Variants in MDM1 observed in about 807,000 individuals in gnomAD.
The protein encoded by MDM1 is stabilizer of axonemal microtubules 6.
Under a neutral mutation model 89.1 loss-of-function variants are expected in MDM1, and 61 were observed. The ratio of observed to expected loss-of-function variants is 0.68; its 90% CI spans 0.56 to 0.85. The LOEUF (loss-of-function observed/expected upper bound fraction) is 0.85. Ranked by LOEUF, MDM1 falls within the 40% of genes least tolerant of loss-of-function variation. The probability of loss-of-function intolerance (pLI) is 0.00; values close to 1 mark genes in which losing one functional copy is unlikely to be tolerated. For synonymous variants in MDM1, 290 were observed against 294.1 expected, an observed-to-expected ratio of 0.99 and a Z score of 0.14; for missense variants, 820 against 846.5, an observed-to-expected ratio of 0.97 and a Z score of 0.39.
intron 7 of MDM1, among the ~76,000 whole-genome samples, chr12:68,317,063 A>G (rs1874596174): frequency 6.6e-6 from 1 of 152,088 alleles, no homozygotes; most frequent in South Asian, 2.1e-4. Context: ...AGTACTAAAT[A>G]TATAATTTAA....
At chr12:68,322,403 T>C (rs946917788) in intron 5 of MDM1, among the ~76,000 whole-genome samples, 2 of 152,136 alleles carry the variant, frequency 1.3e-5, no homozygotes, top group African/African-American at 2.4e-5. Context: ...GAGGCCAAGG[T>C]AGGCGGATCA....
intron 4 of MDM1, among the ~76,000 whole-genome samples, chr12:68,323,790 A>G (rs1411446746): frequency 2.0e-5 from 3 of 152,312 alleles, no homozygotes; most frequent in South Asian, 2.1e-4. Flanking sequence ...ATTACAAGGA[A>G]AGCAAATGGA....
chr12:68,326,785 C>A lies in MDM1; in HGVS notation c.370G>T (p.Ala124Ser). ...RVPKRTRSHSADSRAEGASDV... is the reference protein window; with the variant it reads ...RVPKRTRSHSSDSRAEGASDV... ...GAAGCCCCTTCAGCTCTGGAGTCTGCAGAGTGAGATCTGGTTCTTTTGGGA... is the reference window on the plus strand; with the variant it reads ...GAAGCCCCTTCAGCTCTGGAGTCTGAAGAGTGAGATCTGGTTCTTTTGGGA... The change falls in exon 3 of 15, where the codon GCA (alanine) becomes TCA (serine). Residue 124 changes from alanine to serine, a missense_variant. Ala to Ser is a moderately conservative substitution (Grantham distance 99). Coordinates refer to ENST00000682720, the MANE Select transcript of MDM1 (RefSeq NM_001354969.2). 2 of 1,614,032 alleles carry A rather than the reference C, an allele frequency of 1.2e-6. No individual in the cohort carries two copies. Among genetic ancestry groups the A allele is most frequent in the Non-Finnish European group, 8.5e-7 (1 of 1,179,954 alleles).
chr12:68,296,714 G>T (rs1181118153), intron 14 of MDM1, among the ~76,000 whole-genome samples: 1 of 152,126 alleles, frequency 6.6e-6, no homozygotes, highest in African/African-American at 2.4e-5. Flanking sequence ...CTTATTGTAT[G>T]TTTGCCCTAG....
chr12:68,324,052 C>T (rs910379989), intron 4 of MDM1, among the ~76,000 whole-genome samples: 3 of 152,112 alleles, frequency 2.0e-5, no homozygotes, highest in African/African-American at 7.2e-5. Flanking sequence ...TGTCTCAAAG[C>T]TCTTCAATCC....
intron 12 of MDM1, among the ~76,000 whole-genome samples, chr12:68,307,943 A>C (rs1274882582): frequency 6.6e-5 from 10 of 151,316 alleles, no homozygotes; most frequent in Middle Eastern, 3.2e-3. Context: ...GTCTCAAAAA[A>C]AAAAAAAAGT....
Position 68,296,909 on chromosome 12 carries a change from G to T in MDM1, c.2062+14C>A. The T allele has an allele frequency of 6.4e-7, 1 of 1,567,390 alleles. No individual in the cohort carries two copies. Among genetic ancestry groups the T allele is most frequent in the East Asian group, 2.3e-5 (1 of 43,262 alleles). ...TAGAACTCAAACTTTTATGTTATGTGACTACTGAAATACCTTCATCATTAA... is the reference window on the plus strand; with the variant it reads ...TAGAACTCAAACTTTTATGTTATGTTACTACTGAAATACCTTCATCATTAA... On this transcript the variant is annotated intron_variant, in intron 14 of 14. Coordinates refer to ENST00000682720, the MANE Select transcript of MDM1 (RefSeq NM_001354969.2).
chr12:68,323,971 A>G (rs1264832947), intron 4 of MDM1, among the ~76,000 whole-genome samples: 1 of 152,204 alleles, frequency 6.6e-6, no homozygotes, highest in East Asian at 1.9e-4. Flanking sequence ...ACATCCTTTC[A>G]GAAAGCAGGT....
At chr12:68,309,917 T>A (rs1222535715) in intron 12 of MDM1, among the ~76,000 whole-genome samples, 1 of 152,226 alleles carries the variant, frequency 6.6e-6, no homozygotes, top group Non-Finnish European at 1.5e-5. Flanking sequence ...AAAATTCACA[T>A]GGAAGGATAT....
At position 68,315,207 on chromosome 12, in the gene MDM1, C is replaced by T. The variant is rs1392476356; in HGVS notation, c.1270G>A (p.Gly424Arg). 1 of 1,614,086 alleles carries T rather than the reference C, an allele frequency of 6.2e-7. No individual in the cohort carries two copies. Among genetic ancestry groups the T allele is most frequent in the Non-Finnish European group, 8.5e-7 (1 of 1,180,042 alleles). The change falls in exon 10 of 15, where the codon GGA (glycine) becomes AGA (arginine). Residue 424 changes from glycine (G) to arginine (R), a missense_variant. Transcript: ENST00000682720. Reference sequence around the variant, plus strand: ...TGGGGCTGTTCTTCCACGATATTTCCTTTTTCTTCTGGTTCTGTAGAAGGA... The same window carrying T: ...TGGGGCTGTTCTTCCACGATATTTCTTTTTTCTTCTGGTTCTGTAGAAGGA... Reference protein sequence around the residue: ...KCPSTEPEEKGNIVEEQPQKN... With the variant: ...KCPSTEPEEKRNIVEEQPQKN...
At position 68,332,252 on chromosome 12, in the gene MDM1, C is replaced by T; in HGVS notation, c.-7G>A. On this transcript the variant is annotated 5_prime_UTR_variant, in exon 1 of 15. Coordinates refer to ENST00000682720, the MANE Select transcript of MDM1 (RefSeq NM_001354969.2). ...CCTTGAAGCGCACCGGCATGTCGCC[C>T]GGCGCCGGAGCCCCCGCTACTCCGA... 6.3e-7 allele frequency: 1 copy of T among 1,582,476 alleles called. No homozygotes were observed. The highest frequency in any genetic ancestry group is 8.6e-7 in the Non-Finnish European group (1 of 1,165,350).
intron 3 of MDM1, chr12:68,326,188 G>C (rs1490038242): frequency 1.9e-6 from 2 of 1,064,240 alleles, no homozygotes; most frequent in East Asian, 1.4e-4. Context: ...TGACATAAGA[G>C]AGCAGAAATG....
At chr12:68,326,625 C>T (rs1330728543) in intron 3 of MDM1, 32 bp downstream of exon 3, 3 of 1,613,942 alleles carry the variant, frequency 1.9e-6, no homozygotes, top group Admixed American at 1.7e-5. Flanking sequence ...GAATTCTATG[C>T]TTTTGAAAAG....
chr12:68,325,858 A>G (rs534664148), intron 3 of MDM1: 1 of 1,046,094 alleles, frequency 9.6e-7, no homozygotes, highest in South Asian at 4.3e-5. Flanking sequence ...CCTACTAATC[A>G]TTCATAATTA....
chr12:68,317,035 C>T (rs1022119740), intron 7 of MDM1, among the ~76,000 whole-genome samples: 4 of 146,610 alleles, frequency 2.7e-5, no homozygotes, highest in Non-Finnish European at 6.0e-5. Flanking sequence ...AAAATCTCAA[C>T]TTTTTTTTTT....
At chr12:68,326,472 T>C in intron 3 of MDM1, 185 bp downstream of exon 3, 3 of 1,485,382 alleles carry the variant, frequency 2.0e-6, no homozygotes, top group Non-Finnish European at 2.7e-6. Context: ...AAATAGCGAG[T>C]AGTCAGAATA....
Position 68,313,753 on chromosome 12 carries a change from C to T in MDM1, c.1530G>A (p.Gly510=). The change falls in exon 11 of 15, where the codon GGG becomes GGA. Residue 510 remains glycine (G), a splice_region_variant and synonymous_variant. Coordinates refer to ENST00000682720, the MANE Select transcript of MDM1 (RefSeq NM_001354969.2). ...TTTCTGAGGATACAGAAGAATCTGACCTATAAATTGAAACAATCTATGAAT... is the reference window on the plus strand; with the variant it reads ...TTTCTGAGGATACAGAAGAATCTGATCTATAAATTGAAACAATCTATGAAT... ...EKSKADKMKE[G]SDSSVSSEKG... is the part of the protein sequence containing the mutation. 6.2e-7 allele frequency: 1 copy of T among 1,605,058 alleles called. No homozygotes were observed.
intron 4 of MDM1, 83 bp from the exon 5 acceptor site, chr12:68,323,323 G>T: frequency 1.0e-6 from 1 of 1,001,206 alleles, no homozygotes; most frequent in Non-Finnish European, 1.4e-6. Context: ...AAAACATAAA[G>T]TTGAATTACA....
chr12:68,301,310 C>A (rs1872126289), intron 13 of MDM1, among the ~76,000 whole-genome samples: 1 of 152,150 alleles, frequency 6.6e-6, no homozygotes, highest in South Asian at 2.1e-4. Context: ...TCTTTTGCAG[C>A]AACTAAGATG....
Sources: gnomAD v4.1 joint callset for allele counts (sites outside exome capture counted in the v4.1 genomes callset) on GRCh38, gnomAD v4.1.1 for gene constraint, MANE v1.5 for transcripts, NCBI Gene and HGNC (gene_info 2026-07-23, HGNC 2026-07-21) for gene names.